SIDT2: variants seen among roughly 807,000 people sequenced by gnomAD.
SIDT2 encodes the protein SID1 transmembrane family member 2.
Under a neutral mutation model 114.4 loss-of-function variants are expected in SIDT2, and 68 were observed. That is an observed-to-expected ratio of 0.59 (90% CI 0.49 to 0.73). The LOEUF (loss-of-function observed/expected upper bound fraction) is 0.73, where lower values mean the gene tolerates loss of function less well. Among genes scored for constraint, SIDT2 ranks in the 30% least tolerant of loss-of-function variants. The pLI is 0.00. For synonymous variants in SIDT2, 470 were observed against 438.4 expected (o/e 1.07, Z -0.90); for missense variants, 918 against 1,097.1 (o/e 0.84, Z 2.31).
At chr11:117,191,673 CT>C in intron 18 of SIDT2, 1 of 655,330 alleles carries the variant, frequency 1.5e-6, no homozygotes, top group Non-Finnish European at 2.6e-6. Context: ...ATGTCAGACT[CT>C]GGGTGACAGC....
At position 117,187,360 on chromosome 11, in the gene SIDT2, C is replaced by T. The variant is rs866228917; in HGVS notation, c.1016-18C>T. Reference sequence around the variant, plus strand: ...CTCTCTTCGTCCAGTGCTAACAGACCTTGACTTCTCATTGCAGGTCACCCT... The same window carrying T: ...CTCTCTTCGTCCAGTGCTAACAGACTTTGACTTCTCATTGCAGGTCACCCT... On this transcript the variant is annotated intron_variant, in intron 10 of 25. Coordinates refer to ENST00000324225, the MANE Select transcript of SIDT2 (RefSeq NM_001040455.2). 1.2e-6 allele frequency: 2 copies of T among 1,613,114 alleles called. No homozygotes were observed. Among genetic ancestry groups the T allele is most frequent in the Non-Finnish European group, 1.7e-6 (2 of 1,179,144 alleles).
intron 1 of SIDT2, among the ~76,000 whole-genome samples, chr11:117,181,111 G>A (rs181478587): frequency 6.6e-6 from 1 of 152,256 alleles, no homozygotes; most frequent in East Asian, 1.9e-4. Flanking sequence ...CACATGGATA[G>A]GAATGGGGTA....
chr11:117,194,064 G>A lies in SIDT2; in HGVS notation c.2322+101G>A. 3 of 892,966 alleles carry A rather than the reference G, an allele frequency of 3.4e-6. No individual in the cohort carries two copies. The South Asian group carries it at 4.6e-5, about 14-fold the overall frequency. The allele number at this position is 892,966 out of a possible 1,614,324, so 55.3% of individuals were successfully genotyped here. A position where few individuals can be genotyped will look rare whatever the true frequency, so the allele number is the denominator to read the frequency against. On this transcript the variant is annotated intron_variant, in intron 24 of 25. Transcript: ENST00000324225. ...GGATTACCTGTAATCCCAGCACTTT[G>A]GGAAGCTGAGGCAGGAGGATCACTT...
At position 117,193,272 on chromosome 11, in the gene SIDT2, G is replaced by A; in HGVS notation, c.2211+14G>A. On this transcript the variant is annotated intron_variant, in intron 23 of 25. Coordinates refer to ENST00000324225, the MANE Select transcript of SIDT2 (RefSeq NM_001040455.2). ...ATCATCATGAAGGTGAGTGGGGCTG[G>A]CCAAGCCCCCTCTGTCAGCTGCTCT... 1 of 1,603,438 alleles carries A rather than the reference G, an allele frequency of 6.2e-7. No individual in the cohort carries two copies. The highest frequency in any genetic ancestry group is 8.5e-7 in the Non-Finnish European group (1 of 1,172,146).
chr11:117,189,155 C>T lies in SIDT2; in HGVS notation c.1279-14C>T. On this transcript the variant is annotated splice_polypyrimidine_tract_variant and intron_variant, in intron 13 of 25. Coordinates refer to ENST00000324225, the MANE Select transcript of SIDT2 (RefSeq NM_001040455.2). The stretch of plus-strand genomic sequence containing the variant: ...AAGTAGCAGTAAGTGGGGCTGATTC[C>T]AGCTTCTCCCCAGCAATACCTCTAT... 1.9e-6 allele frequency: 3 copies of T among 1,613,970 alleles called. No individual in the cohort carries two copies. The highest frequency in any genetic ancestry group is 2.5e-6 in the Non-Finnish European group (3 of 1,179,796).
Position 117,190,245 on chromosome 11 carries a change from A to G in SIDT2, c.1573A>G (p.Ile525Val). The change falls in exon 17 of 26, where the codon ATC becomes GTC. Residue 525 changes from isoleucine (I) to valine (V), a missense_variant. Physicochemically the swap from Ile to Val is conservative, Grantham distance 29 (BLOSUM62 3). This residue lies in a region of SIDT2 where 72 missense variants were observed against 59.9 expected (regional missense o/e 1.20). Transcript: ENST00000324225. The surrounding 1 kb of genome is among the most constrained non-coding windows in gnomAD (Gnocchi z 4.1). The stretch of plus-strand genomic sequence containing the variant: ...CCTGCTCATCATCCTGCAACGGGAG[A>G]TCAACCACAACCGGGCCCTGCTGCG... ...LFLLIILQRE[I>V]NHNRALLRND... 1 of 1,573,044 alleles carries G rather than the reference A, an allele frequency of 6.4e-7. No individual in the cohort carries two copies. Among genetic ancestry groups the G allele is most frequent in the African/African-American group, 1.4e-5 (1 of 73,798 alleles).
At chr11:117,181,775 C>T (rs777926643) in intron 2 of SIDT2, 32 bp from the exon 3 acceptor site, 3 of 1,613,724 alleles carry the variant, frequency 1.9e-6, no homozygotes, top group South Asian at 2.2e-5. Flanking sequence ...TGGGACAGTG[C>T]TCACATCCTA....
intron 8 of SIDT2, chr11:117,185,890 A>G: frequency 2.9e-6 from 1 of 350,708 alleles, no homozygotes; most frequent in Non-Finnish European, 5.0e-6. Context: ...AAAAAAAAAA[A>G]AAAAAGTAGA....
Position 117,192,536 on chromosome 11 carries a change from G to T in SIDT2, c.1982-38G>T. The T allele has an allele frequency of 6.2e-7, 1 of 1,602,204 alleles. No homozygotes were observed. Among genetic ancestry groups the T allele is most frequent in the Non-Finnish European group, 8.5e-7 (1 of 1,178,026 alleles). On this transcript the variant is annotated intron_variant, in intron 20 of 25. Transcript: ENST00000324225. The surrounding 1 kb of genome is among the most constrained non-coding windows in gnomAD (Gnocchi z 5.9). ...TCCCAGGGGTCCAGCAAAGGAGGGT[G>T]CCCCGTGCCTGTCAGCACCACTCCC...
chr11:117,184,085 G>C lies in SIDT2; in HGVS notation c.814G>C (p.Asp272His), dbSNP rs141955183. 35 of 1,614,146 alleles carry C rather than the reference G, an allele frequency of 2.2e-5. No individual in the cohort carries two copies. The Admixed American group carries it at 4.5e-4, about 21-fold the overall frequency. The change falls in exon 8 of 26, where the codon GAT (aspartate) becomes CAT (histidine). Residue 272 changes from aspartate (D) to histidine (H), a missense_variant. Physicochemically the swap from Asp to His is moderately conservative, Grantham distance 81 (BLOSUM62 -1). Transcript: ENST00000324225. ...FYPFAEDEPV[D>H]QGHRQKTLSV... The stretch of plus-strand genomic sequence containing the variant: ...CATTTTACTTCCAGATGAACCGGTC[G>C]ATCAAGGGCACCGCCAGAAAACCCT...
At chr11:117,187,981 T>C (rs763238546) in intron 12 of SIDT2, 5 of 638,204 alleles carry the variant, frequency 7.8e-6, no homozygotes, top group Non-Finnish European at 1.5e-5. Context: ...GGTAGGGCTG[T>C]TTTGCCAATC....
At chr11:117,193,309 A>G (rs1474028430) in intron 23 of SIDT2, 51 bp downstream of exon 23, 65 of 1,475,054 alleles carry the variant, frequency 4.4e-5, no homozygotes, top group Non-Finnish European at 6.0e-5. Context: ...CTATCTGGGG[A>G]GAGAGATGGG....
At chr11:117,179,570 C>A in intron 1 of SIDT2, 124 bp downstream of exon 1, 1 of 952,928 alleles carries the variant, frequency 1.0e-6, no homozygotes, top group East Asian at 2.6e-5. Context: ...GTTCCCAGTT[C>A]CCAGAACCAC....
rs1055863035 is a variant in SIDT2, at chr11:117,178,987, G to A, written c.-277G>A. ...CTGGCCCGGGGCTCCAGGGTCTCAG[G>A]TCGTACTCAGCCCCTCGCGAGCTGG... On this transcript the variant is annotated 5_prime_UTR_variant, in exon 1 of 26. Transcript: ENST00000324225. The A allele has an allele frequency of 4.6e-5, 22 of 476,594 alleles. No individual in the cohort carries two copies. Among genetic ancestry groups the A allele is most frequent in the African/African-American group, 4.1e-4 (21 of 50,924 alleles). 29.5% of individuals were successfully genotyped at this position (476,594 alleles called of 1,614,324 possible). A position where few individuals can be genotyped will look rare whatever the true frequency, so the allele number is the denominator to read the frequency against.
intron 13 of SIDT2, 135 bp from the exon 14 acceptor site, chr11:117,189,034 C>A: frequency 9.7e-7 from 1 of 1,033,014 alleles, no homozygotes; most frequent in Non-Finnish European, 1.5e-6. Flanking sequence ...GCGGCCGCAG[C>A]AGTGGGATGT....
In SIDT2 at chr11:117,188,408, G is replaced by A; in HGVS notation, c.1160-300G>A. The A allele has an allele frequency of 2.2e-6, 1 of 463,032 alleles. No individual in the cohort carries two copies. The highest frequency in any genetic ancestry group is 3.9e-6 in the Non-Finnish European group (1 of 254,208). 28.7% of individuals were successfully genotyped at this position (463,032 alleles called of 1,614,324 possible). ...CCTGTTGTTTGTGTCTGCTGCCTGG[G>A]GTCTGCCTTGTGTCCTGGCCTGGGA... is the stretch of plus-strand genomic sequence containing the variant. On this transcript the variant is annotated intron_variant, in intron 12 of 25. Coordinates refer to ENST00000324225, the MANE Select transcript of SIDT2 (RefSeq NM_001040455.2). The surrounding 1 kb of genome is among the most constrained non-coding windows in gnomAD (Gnocchi z 4.0).
At chr11:117,194,972 A>G (rs1267002027) in intron 24 of SIDT2, among the ~76,000 whole-genome samples, 1 of 150,882 alleles carries the variant, frequency 6.6e-6, no homozygotes, top group Admixed American at 6.7e-5. Flanking sequence ...CTGTAGTCCC[A>G]GCTACTCGGG....
intron 2 of SIDT2, 69 bp downstream of exon 2, chr11:117,181,606 G>T: frequency 6.2e-7 from 1 of 1,605,388 alleles, no homozygotes. Context: ...CCTCAACCAG[G>T]AGCCCCCCCA....
rs1470010059 is a variant in SIDT2, at chr11:117,190,428, T to A, written c.1617+139T>A. 2.1e-6 allele frequency: 3 copies of A among 1,395,866 alleles called. No homozygotes were observed. Among genetic ancestry groups the A allele is most frequent in the Non-Finnish European group, 2.8e-6 (3 of 1,053,768 alleles). 86.5% of individuals were successfully genotyped at this position (1,395,866 alleles called of 1,614,324 possible). A position where few individuals can be genotyped will look rare whatever the true frequency, so the allele number is the denominator to read the frequency against. On this transcript the variant is annotated intron_variant, in intron 17 of 25. Coordinates refer to ENST00000324225, the MANE Select transcript of SIDT2 (RefSeq NM_001040455.2). The surrounding 1 kb of genome is among the most constrained non-coding windows in gnomAD (Gnocchi z 4.1). ...CCCCAGTTCTGTCTGGCCCACCCTATCCAGCCCAGCCTGCCCCACCCTGCC... is the reference window on the plus strand; with the variant it reads ...CCCCAGTTCTGTCTGGCCCACCCTAACCAGCCCAGCCTGCCCCACCCTGCC...
Sources: gnomAD v4.1 joint callset for allele counts (sites outside exome capture counted in the v4.1 genomes callset) on GRCh38, gnomAD v4.1.1 for gene constraint, gnomAD v4.1.1 regional missense constraint, Gnocchi (gnomAD v3.1) non-coding constraint, MANE v1.5 for transcripts, NCBI Gene and HGNC (gene_info 2026-07-23, HGNC 2026-07-21) for gene names.